The following CAMTA1 variants were observed in gnomAD, a reference collection of about 807,000 sequenced individuals.
CAMTA1 encodes the protein calmodulin-binding transcription activator 1.
Under a neutral mutation model 170.9 loss-of-function variants are expected in CAMTA1, and 27 were observed. The observed-to-expected ratio is 0.16, with a 90% CI of 0.12 to 0.22. CAMTA1 has a LOEUF of 0.22. CAMTA1 is among the 10% of genes least tolerant of loss of function. CAMTA1 has a pLI of 1.00. For synonymous variants in CAMTA1, 833 were observed against 891.5 expected (o/e 0.93, Z 1.17); for missense variants, 1,619 against 2,217.2 (o/e 0.73, Z 5.42).
At chr1:7,070,569 T>C (rs1638508622) in intron 3 of CAMTA1, among the ~76,000 whole-genome samples, 1 of 152,150 alleles carries the variant, frequency 6.6e-6, no homozygotes, top group Non-Finnish European at 1.5e-5. Flanking sequence ...CTCATCACGG[T>C]GATGCCTGTT....
At chr1:7,128,432 T>C (rs1645056402) in intron 4 of CAMTA1, among the ~76,000 whole-genome samples, 2 of 152,250 alleles carry the variant, frequency 1.3e-5, no homozygotes, top group South Asian at 4.1e-4. Flanking sequence ...AGGTGTGAGA[T>C]AGCAGGTGTT....
chr1:7,279,153 C>T (rs1258852345), intron 5 of CAMTA1, among the ~76,000 whole-genome samples: 1 of 152,130 alleles, frequency 6.6e-6, no homozygotes, highest in Non-Finnish European at 1.5e-5. Flanking sequence ...CCCCGCAGTG[C>T]ACCTATGTGA....
At chr1:7,428,177 T>C (rs544650667) in intron 5 of CAMTA1, among the ~76,000 whole-genome samples, 1 of 152,106 alleles carries the variant, frequency 6.6e-6, no homozygotes, top group African/African-American at 2.4e-5. Flanking sequence ...TGGAGAGCTA[T>C]GGAGACGTTG....
At chr1:6,799,379 C>A (rs766078259) in intron 1 of CAMTA1, among the ~76,000 whole-genome samples, 2 of 152,210 alleles carry the variant, frequency 1.3e-5, no homozygotes, top group African/African-American at 4.8e-5. Context: ...TGTACTCTTT[C>A]ACTAGCTGGG....
intron 6 of CAMTA1, among the ~76,000 whole-genome samples, chr1:7,557,870 G>T (rs1295262691): frequency 6.6e-6 from 1 of 152,202 alleles, no homozygotes; most frequent in Non-Finnish European, 1.5e-5. Context: ...GCATCTGAGT[G>T]GAGGAAGAAA....
intron 3 of CAMTA1, among the ~76,000 whole-genome samples, chr1:6,864,433 G>A (rs1665877898): frequency 6.6e-6 from 1 of 152,104 alleles, no homozygotes; most frequent in South Asian, 2.1e-4. Context: ...GTTGGTCAGT[G>A]GTACTCTTGT....
chr1:7,150,443 C>T (rs1646506726), intron 4 of CAMTA1, among the ~76,000 whole-genome samples: 1 of 152,174 alleles, frequency 6.6e-6, no homozygotes. Flanking sequence ...CTCAGAGACA[C>T]CAATGCCTCT....
intron 5 of CAMTA1, among the ~76,000 whole-genome samples, chr1:7,355,841 T>TG (rs2149930022): frequency 0.01 from 1 of 100 alleles, no homozygotes; most frequent in African/African-American, 0.036. Context: ...TTCTTGGCGT[T>TG]GCACATCTGT....
At chr1:7,506,230 T>A (rs1185284807) in intron 6 of CAMTA1, among the ~76,000 whole-genome samples, 1 of 151,946 alleles carries the variant, frequency 6.6e-6, no homozygotes, top group East Asian at 1.9e-4. Flanking sequence ...ATCTTCCAGG[T>A]GTGGCAAAGG....
chr1:7,539,466 G>A (rs936131555), intron 6 of CAMTA1, among the ~76,000 whole-genome samples: 18 of 152,368 alleles, frequency 1.2e-4, no homozygotes, highest in South Asian at 4.1e-4. Context: ...GAGAAAGCAC[G>A]TAGCATATTT....
intron 20 of CAMTA1, among the ~76,000 whole-genome samples, chr1:7,752,169 A>C (rs2096901965): frequency 2.6e-5 from 4 of 152,186 alleles, no homozygotes; most frequent in African/African-American, 4.8e-5. Context: ...GCTTATAATG[A>C]ATTGTGGAAG....
At chr1:7,516,128 C>T (rs1018987478) in intron 6 of CAMTA1, among the ~76,000 whole-genome samples, 3 of 152,304 alleles carry the variant, frequency 2.0e-5, no homozygotes, top group South Asian at 2.1e-4. Flanking sequence ...GGGGAACGTG[C>T]GCTGACTTTG....
chr1:7,172,055 T>G (rs1413180419), intron 4 of CAMTA1, among the ~76,000 whole-genome samples: 1 of 152,256 alleles, frequency 6.6e-6, no homozygotes, highest in East Asian at 1.9e-4. Flanking sequence ...CCATTTTTCC[T>G]TTTCTCTCAC....
At chr1:7,356,689 C>T (rs1365256994) in intron 5 of CAMTA1, among the ~76,000 whole-genome samples, 1 of 152,202 alleles carries the variant, frequency 6.6e-6, no homozygotes, top group East Asian at 1.9e-4. Context: ...ACCCAGCCTG[C>T]CCCATTCCTG....
chr1:7,223,899 G>GT (rs1485749023), intron 4 of CAMTA1, among the ~76,000 whole-genome samples: 1 of 152,042 alleles, frequency 6.6e-6, no homozygotes, highest in African/African-American at 2.4e-5. Flanking sequence ...TAGTTCTCAG[G>GT]TTTACCTTGG....
chr1:7,132,059 AC>A (rs1196155365), intron 4 of CAMTA1, among the ~76,000 whole-genome samples: 8 of 151,914 alleles, frequency 5.3e-5, no homozygotes, highest in African/African-American at 1.9e-4. Context: ...ACACACACAC[AC>A]ACACACACAC....
intron 3 of CAMTA1, among the ~76,000 whole-genome samples, chr1:7,054,452 C>A (rs907647891): frequency 2.6e-5 from 4 of 152,200 alleles, no homozygotes; most frequent in African/African-American, 9.6e-5. Context: ...TTTTCTCTTT[C>A]ATTTTTGCAT....
intron 5 of CAMTA1, among the ~76,000 whole-genome samples, chr1:7,273,733 T>C (rs1439364804): frequency 6.6e-6 from 1 of 152,196 alleles, no homozygotes; most frequent in African/African-American, 2.4e-5. Context: ...TTATGGTGTA[T>C]AAATTATAGC....
chr1:7,335,147 G>A (rs144287613), intron 5 of CAMTA1, among the ~76,000 whole-genome samples: 1 of 89,640 alleles, frequency 1.1e-5, no homozygotes, highest in African/African-American at 4.0e-5. Context: ...TGTGGGGGGG[G>A]GGGGGGGGGG....
Sources: allele counts gnomAD v4.1 joint callset (sites outside exome capture counted in the v4.1 genomes callset), GRCh38; gene constraint gnomAD v4.1.1; transcripts MANE v1.5; gene names NCBI Gene and HGNC (gene_info 2026-07-23, HGNC 2026-07-21).